KY: variants seen among roughly 807,000 people sequenced by gnomAD.
KY encodes kyphoscoliosis peptidase.
In KY, 43 loss-of-function variants were observed where a neutral mutation model predicts 76.1. That is an observed-to-expected ratio of 0.57 (90% CI 0.44 to 0.73). KY has a LOEUF of 0.73. KY is among the 30% of genes least tolerant of loss of function. The pLI is 0.00. For synonymous variants in KY, 277 were observed against 326.2 expected (o/e 0.85, Z 1.63); for missense variants, 722 against 828.9 (o/e 0.87, Z 1.58).
At chr3:134,618,304 G>C (rs1044037120) in intron 8 of KY, among the ~76,000 whole-genome samples, 3 of 152,160 alleles carry the variant, frequency 2.0e-5, no homozygotes, top group African/African-American at 7.2e-5. Context: ...TGTGGACTAA[G>C]TGTTACACTT....
intron 6 of KY, among the ~76,000 whole-genome samples, chr3:134,623,377 G>T (rs1272139330): frequency 1.3e-5 from 2 of 152,134 alleles, no homozygotes; most frequent in African/African-American, 4.8e-5. Context: ...CCACTTCACG[G>T]CAGGCCAGGT....
chr3:134,636,707 C>T (rs1471932884), intron 3 of KY, among the ~76,000 whole-genome samples: 1 of 152,212 alleles, frequency 6.6e-6, no homozygotes, highest in East Asian at 1.9e-4. Flanking sequence ...TGCTTATTGT[C>T]TAAAGCTGCT....
At chr3:134,638,448 AGGC>A (rs1370993642) in intron 3 of KY, among the ~76,000 whole-genome samples, 1 of 152,194 alleles carries the variant, frequency 6.6e-6, no homozygotes, top group Non-Finnish European at 1.5e-5. Context: ...AACCTACAGG[AGGC>A]CTTTCCTGGG....
chr3:134,608,073 A>C, intron 10 of KY: 1 of 1,090,592 alleles, frequency 9.2e-7, no homozygotes, highest in Non-Finnish European at 1.1e-6. Context: ...CTTGGGTGGG[A>C]CTGCCCCCAC....
Position 134,619,276 on chromosome 3 carries a change from G to A in KY, c.593-11C>T, listed in dbSNP as rs1962148336. 6.2e-7 allele frequency: 1 copy of A among 1,600,532 alleles called. No homozygotes were observed. The highest frequency in any genetic ancestry group is 2.2e-5 in the East Asian group (1 of 44,806). ...CTGCAATGTCATACTCTATAGGGCA[G>A]GTGAGGGGATCATGAAGAGCTTGAG... On this transcript the variant is annotated splice_polypyrimidine_tract_variant and intron_variant, in intron 7 of 10. Transcript: ENST00000423778.
intron 1 of KY, among the ~76,000 whole-genome samples, chr3:134,648,513 G>A (rs1354000954): frequency 6.6e-6 from 1 of 152,182 alleles, no homozygotes; most frequent in Non-Finnish European, 1.5e-5. Context: ...TACTGCTGCA[G>A]GAGTATATGC....
At chr3:134,621,934 T>G (rs1463636953) in intron 6 of KY, among the ~76,000 whole-genome samples, 2 of 152,090 alleles carry the variant, frequency 1.3e-5, no homozygotes, top group Admixed American at 6.5e-5. Context: ...AAAGAAGATA[T>G]ACAAATGGCC....
intron 6 of KY, among the ~76,000 whole-genome samples, 200 bp from the exon 7 acceptor site, chr3:134,621,057 A>G (rs1230831638): frequency 6.6e-6 from 1 of 152,194 alleles, no homozygotes; most frequent in Non-Finnish European, 1.5e-5. Context: ...TGACCAGCTC[A>G]ATCACAGGCC....
At chr3:134,607,653 T>A (rs1959443144) in intron 10 of KY, 24 of 985,556 alleles carry the variant, frequency 2.4e-5, no homozygotes, top group Admixed American at 6.1e-5. Context: ...AAGGCCCTGC[T>A]TTTTTGTGAC....
intron 4 of KY, chr3:134,628,105 C>T (rs1395541352): frequency 4.6e-6 from 2 of 437,100 alleles, no homozygotes; most frequent in Non-Finnish European, 8.4e-6. Context: ...TTGGGTGATT[C>T]ATTGGGTCCT....
Position 134,603,399 on chromosome 3 carries a change from G to T in KY, c.*180C>A, listed in dbSNP as rs1959054639. The T allele has an allele frequency of 1.7e-6, 1 of 575,678 alleles. No homozygotes were observed. The highest frequency in any genetic ancestry group is 3.0e-6 in the Non-Finnish European group (1 of 333,092). 35.7% of individuals were successfully genotyped at this position (575,678 alleles called of 1,614,324 possible). ...CCCCCTCAGTCACAGCCACACCTGA[G>T]TGAAGCCTTCAGAACACAAAGATCA... On this transcript the variant is annotated 3_prime_UTR_variant, in exon 11 of 11. Transcript: ENST00000423778.
At chr3:134,610,111 T>C in intron 9 of KY, 84 bp downstream of exon 9, 1 of 1,456,824 alleles carries the variant, frequency 6.9e-7, no homozygotes, top group Non-Finnish European at 9.4e-7. Flanking sequence ...CCGCTTGGTC[T>C]TCTCCACCTG....
intron 8 of KY, chr3:134,610,627 C>T (rs1182261766): frequency 2.1e-6 from 1 of 469,892 alleles, no homozygotes; most frequent in African/African-American, 2.0e-5. Context: ...GCTGTCTGCT[C>T]CTCCCCTGAG....
intron 4 of KY, chr3:134,629,367 G>C: frequency 1.5e-5 from 7 of 479,870 alleles, no homozygotes. Flanking sequence ...CAACACTCTT[G>C]TGATGCAATG....
chr3:134,640,279 A>G (rs1487647080), intron 3 of KY, among the ~76,000 whole-genome samples: 1 of 152,132 alleles, frequency 6.6e-6, no homozygotes, highest in East Asian at 1.9e-4. Context: ...TCCTGTATGG[A>G]AGAGACAGTA....
In KY at chr3:134,602,227, C is replaced by G. The variant is rs1958999202; in HGVS notation, c.*1352G>C. On this transcript the variant is annotated 3_prime_UTR_variant, in exon 11 of 11. Coordinates refer to ENST00000423778, the MANE Select transcript of KY (RefSeq NM_178554.6). ...TGTGCCAGGATGGTTCTGCAGTGGC[C>G]ATGTGGGGCCTCTCTCGCCTTTCCC... 6.6e-6 allele frequency among the ~76,000 whole-genome samples: 1 copy of G among 152,088 alleles called. No individual in the cohort carries two copies. The highest frequency in any genetic ancestry group is 2.1e-4 in the South Asian group (1 of 4,830).
Position 134,604,060 on chromosome 3 carries a change from G to A in KY, c.1505C>T (p.Pro502Leu). ...GCGCCGCTGTGTCTCCTCAGTGATG[G>A]GGCCATCATCCCCGTGGAGGGAAGC... ...VLASLHGDDG[P>L]ITEETQRRYI... The change falls in exon 11 of 11, where the codon CCC (proline) becomes CTC (leucine). Residue 502 changes from proline (P) to leucine (L), a missense_variant. Around this residue, in one of 2 missense-constraint regions of KY, gnomAD observed 552 missense variants for 680.9 expected, o/e 0.81. Transcript: ENST00000423778. The A allele has an allele frequency of 6.2e-7, 1 of 1,613,940 alleles. No individual in the cohort carries two copies. Among genetic ancestry groups the A allele is most frequent in the Non-Finnish European group, 8.5e-7 (1 of 1,179,836 alleles).
intron 8 of KY, among the ~76,000 whole-genome samples, chr3:134,613,768 G>A (rs1280314273): frequency 4.6e-5 from 7 of 152,242 alleles, no homozygotes; most frequent in Non-Finnish European, 7.3e-5. Context: ...AGGTCATAAT[G>A]TAAAGCATTA....
intron 10 of KY, chr3:134,607,965 G>T: frequency 9.9e-7 from 1 of 1,009,076 alleles, no homozygotes; most frequent in Non-Finnish European, 1.2e-6. Flanking sequence ...CTGCTGCCTA[G>T]AACATGTCCA....
Sources: gnomAD v4.1 joint callset for allele counts (sites outside exome capture counted in the v4.1 genomes callset) on GRCh38, gnomAD v4.1.1 for gene constraint, gnomAD v4.1.1 regional missense constraint, MANE v1.5 for transcripts, NCBI Gene and HGNC (gene_info 2026-07-23, HGNC 2026-07-21) for gene names.